VEZT: variants seen among roughly 807,000 people sequenced by gnomAD.
VEZT encodes vezatin.
A neutral mutation model predicts 79.9 loss-of-function variants in VEZT; 39 were observed. That is an observed-to-expected ratio of 0.49 (90% CI 0.38 to 0.64). The LOEUF is 0.64. Among genes scored for constraint, VEZT ranks in the 30% least tolerant of loss-of-function variants. The pLI is 0.00. For synonymous variants in VEZT, 325 were observed against 327.6 expected, an observed-to-expected ratio of 0.99 and a Z score of 0.09; for missense variants, 837 against 893.1, an observed-to-expected ratio of 0.94 and a Z score of 0.80.
intron 2 of VEZT, among the ~76,000 whole-genome samples, chr12:95,256,882 C>T (rs1234988212): frequency 6.6e-6 from 1 of 152,124 alleles, no homozygotes; most frequent in African/African-American, 2.4e-5. Context: ...GATTTTCAGG[C>T]CTCATTCCAA....
chr12:95,257,371 G>A (rs1228931899), intron 3 of VEZT, 132 bp downstream of exon 3: 5 of 701,928 alleles, frequency 7.1e-6, no homozygotes, highest in Non-Finnish European at 1.2e-5. Context: ...AGTAACTCAG[G>A]ATCTTTTAAT....
intron 1 of VEZT, among the ~76,000 whole-genome samples, chr12:95,245,063 T>C (rs2061542256): frequency 6.6e-6 from 1 of 152,064 alleles, no homozygotes; most frequent in South Asian, 2.1e-4. Flanking sequence ...TGAAACCCCA[T>C]ATCTACTAAA....
chr12:95,228,821 T>C (rs930662685), intron 1 of VEZT, among the ~76,000 whole-genome samples: 1 of 151,984 alleles, frequency 6.6e-6, no homozygotes, highest in Admixed American at 6.6e-5. Context: ...CTGGGCAACA[T>C]AGTGAGACCC....
chr12:95,236,409 C>G (rs551487383), intron 1 of VEZT, among the ~76,000 whole-genome samples: 1 of 151,896 alleles, frequency 6.6e-6, no homozygotes, highest in Non-Finnish European at 1.5e-5. Flanking sequence ...AGAGGGAGAC[C>G]GTGGAAAGAG....
At chr12:95,277,971 T>A (rs1480022514) in intron 7 of VEZT, among the ~76,000 whole-genome samples, 2 of 152,264 alleles carry the variant, frequency 1.3e-5, no homozygotes, top group Admixed American at 1.3e-4. Flanking sequence ...GCTTATTAAA[T>A]CCTGAATTGT....
chr12:95,227,997 C>T (rs1270347655), intron 1 of VEZT, among the ~76,000 whole-genome samples: 1 of 152,156 alleles, frequency 6.6e-6, no homozygotes, highest in African/African-American at 2.4e-5. Flanking sequence ...TGTAGGTGAA[C>T]TCGTTACTGT....
chr12:95,265,866 G>A (rs1402199459), intron 4 of VEZT, among the ~76,000 whole-genome samples: 2 of 152,168 alleles, frequency 1.3e-5, no homozygotes, highest in Non-Finnish European at 2.9e-5. Flanking sequence ...GCTTGGAGTT[G>A]AGGGCTGGGA....
chr12:95,264,295 A>G (rs988529156), intron 4 of VEZT, among the ~76,000 whole-genome samples: 3 of 152,204 alleles, frequency 2.0e-5, no homozygotes, highest in Admixed American at 6.5e-5. Context: ...TTTACCCACA[A>G]ATATAATCAA....
intron 5 of VEZT, among the ~76,000 whole-genome samples, chr12:95,268,538 A>G (rs566318992): frequency 2.0e-5 from 3 of 152,202 alleles, no homozygotes; most frequent in African/African-American, 7.2e-5. Flanking sequence ...TATTTTATTG[A>G]GAGGACTTAC....
chr12:95,270,501 C>T (rs1345745158), intron 6 of VEZT, among the ~76,000 whole-genome samples: 1 of 152,182 alleles, frequency 6.6e-6, no homozygotes, highest in Non-Finnish European at 1.5e-5. Flanking sequence ...AAACAAATTT[C>T]TCAACATGGC....
At chr12:95,218,016 C>T in intron 1 of VEZT, 130 bp downstream of exon 1, 1 of 918,576 alleles carries the variant, frequency 1.1e-6, no homozygotes, top group Admixed American at 3.6e-5. Flanking sequence ...CCACCGAACC[C>T]CAGCGATTTC....
At chr12:95,278,816 C>T (rs977225372) in intron 7 of VEZT, among the ~76,000 whole-genome samples, 15 of 152,238 alleles carry the variant, frequency 9.9e-5, no homozygotes, top group Admixed American at 7.9e-4. Context: ...CGCCTGTAAT[C>T]CCAGCACTCT....
intron 1 of VEZT, among the ~76,000 whole-genome samples, chr12:95,230,196 T>C (rs1039339475): frequency 2.0e-5 from 3 of 152,104 alleles, no homozygotes; most frequent in African/African-American, 4.8e-5. Context: ...CTTCCTGTTG[T>C]TATTATTCCC....
intron 1 of VEZT, among the ~76,000 whole-genome samples, chr12:95,246,851 C>T (rs898104496): frequency 6.6e-6 from 1 of 152,142 alleles, no homozygotes; most frequent in African/African-American, 2.4e-5. Context: ...AAAACATTTG[C>T]GGTTTTATTT....
intron 9 of VEZT, chr12:95,293,625 G>A (rs1164995016): frequency 6.6e-6 from 1 of 152,182 alleles, no homozygotes; most frequent in African/African-American, 2.4e-5. Flanking sequence ...GTGAAGAAGA[G>A]TGATGGTCTG....
chr12:95,269,961 A>G, intron 5 of VEZT, 90 bp from the exon 6 acceptor site: 1 of 1,447,348 alleles, frequency 6.9e-7, no homozygotes, highest in Non-Finnish European at 9.4e-7. Flanking sequence ...TTTGTTTTCT[A>G]CATTTAATAG....
chr12:95,238,472 C>T (rs1206727046), intron 1 of VEZT, among the ~76,000 whole-genome samples: 1 of 152,142 alleles, frequency 6.6e-6, no homozygotes, highest in Non-Finnish European at 1.5e-5. Context: ...CCTGTCTTCT[C>T]TTGCCATTAT....
intron 1 of VEZT, among the ~76,000 whole-genome samples, chr12:95,225,398 C>CA (rs2058274085): frequency 6.6e-6 from 1 of 151,944 alleles, no homozygotes; most frequent in Non-Finnish European, 1.5e-5. Context: ...AGTAAAAATA[C>CA]AAAAAGAAAT....
chr12:95,258,261 C>A (rs1403376176), intron 3 of VEZT: 1 of 455,782 alleles, frequency 2.2e-6, no homozygotes, highest in African/African-American at 2.0e-5. Context: ...CCATCTCATT[C>A]TTCAGTGATA....
Sources: allele counts gnomAD v4.1 joint callset (sites outside exome capture counted in the v4.1 genomes callset), GRCh38; gene constraint gnomAD v4.1.1; transcripts MANE v1.5; gene names NCBI Gene and HGNC (gene_info 2026-07-23, HGNC 2026-07-21).